SMC1A: variants seen among roughly 807,000 people sequenced by gnomAD.
SMC1A encodes the protein structural maintenance of chromosomes 1A.
In SMC1A, 4 loss-of-function variants were observed where a neutral mutation model predicts 94.5. The observed-to-expected ratio is 0.04, with a 90% confidence interval of 0.02 to 0.10. SMC1A has a LOEUF of 0.10. Among genes scored for constraint, SMC1A ranks in the 10% least tolerant of loss-of-function variants. The pLI, the probability that SMC1A is intolerant of heterozygous loss-of-function variation, is 1.00. For synonymous variants in SMC1A, 345 were observed against 347.7 expected, an observed-to-expected ratio of 0.99 and a Z score of 0.09; for missense variants, 304 against 989.0, an observed-to-expected ratio of 0.31 and a Z score of 9.29.
In SMC1A at chrX:53,392,300, G is replaced by A. The variant is rs182756931; in HGVS notation, c.2973+2478C>T. 5.2e-3 allele frequency among the ~76,000 whole-genome samples: 568 copies of A among 108,626 alleles called. 2 individuals carry two copies. Among genetic ancestry groups the A allele is most frequent in the Middle Eastern group, 9.3e-3 (2 of 214 alleles). The allele number at this position is 108,626 out of a possible 115,157, so 94.3% of individuals were successfully genotyped here. On this transcript the variant is annotated intron_variant, in intron 19 of 24. Transcript: ENST00000322213. Reference sequence around the variant, plus strand: ...CCAGCTACGTGGGAGGCTGAGGAAGGAGAATCGAGTGAACCTGGGAGGCAG... The same window carrying A: ...CCAGCTACGTGGGAGGCTGAGGAAGAAGAATCGAGTGAACCTGGGAGGCAG...
intron 1 of SMC1A, among the ~76,000 whole-genome samples, chrX:53,417,427 T>C (rs1387624448): frequency 9.2e-6 from 1 of 108,479 alleles, no homozygotes; most frequent in Non-Finnish European, 1.9e-5. Context: ...GGCACATGCC[T>C]GTAATCCCAG....
intron 15 of SMC1A, among the ~76,000 whole-genome samples, chrX:53,401,749 T>C (rs1320865438): frequency 9.0e-6 from 1 of 110,644 alleles, no homozygotes; most frequent in Non-Finnish European, 1.9e-5. Flanking sequence ...TATACACATA[T>C]ATTTTTTTCA....
chrX:53,392,367 G>C (rs1224015833), intron 19 of SMC1A, among the ~76,000 whole-genome samples: 1 of 108,621 alleles, frequency 9.2e-6, no homozygotes, highest in Non-Finnish European at 1.9e-5. Flanking sequence ...ACTCCAGCCT[G>C]GGTGACAGAG....
In SMC1A at chrX:53,414,969, A is replaced by G. The variant is rs782781148; in HGVS notation, c.298+12T>C. On this transcript the variant is annotated intron_variant, in intron 2 of 24. Coordinates refer to ENST00000322213, the MANE Select transcript of SMC1A (RefSeq NM_006306.4). ...AGGACCCAAGGAGAGCTTTCTGGCC[A>G]GCCTCACCCACCTACAATGACACGG... 30 of 1,208,521 alleles carry G rather than the reference A, an allele frequency of 2.5e-5. No homozygotes were observed. The highest frequency in any genetic ancestry group is 3.2e-5 in the Non-Finnish European group (29 of 894,526).
Position 53,378,440 on chromosome X carries a change from A to G in SMC1A, c.*1663T>C, listed in dbSNP as rs1044837018. Reference sequence around the variant, plus strand: ...CAGATCTCAAAAACATCGTTAAGCAAAGAAAACAAATTGCTAAACAATTCA... The same window carrying G: ...CAGATCTCAAAAACATCGTTAAGCAGAGAAAACAAATTGCTAAACAATTCA... On this transcript the variant is annotated 3_prime_UTR_variant, in exon 25 of 25. Transcript: ENST00000322213. 11 of 112,748 alleles carry G rather than the reference A, an allele frequency of 9.8e-5. No individual in the cohort carries two copies. The highest frequency in any genetic ancestry group is 3.5e-4 in the African/African-American group (11 of 31,043). The allele number at this position is 112,748 out of a possible 1,213,427, so 9.3% of individuals were successfully genotyped here.
At chrX:53,403,455 T>C (rs1404925990) in intron 15 of SMC1A, 111 bp downstream of exon 15, 41 of 600,319 alleles carry the variant, frequency 6.8e-5, no homozygotes, top group South Asian at 5.0e-4. Context: ...CTACATAAAC[T>C]CACATAGTTC....
chrX:53,382,213 C>T lies in SMC1A; in HGVS notation c.3437+19G>A, dbSNP rs2075586018. 4 of 1,209,101 alleles carry T rather than the reference C, an allele frequency of 3.3e-6. No individual in the cohort carries two copies. In the African/African-American group the frequency reaches 7.0e-5, roughly 21 times the overall value. ...TCAGTTCAGTCTCTTCGTCAACTGC[C>T]CTAGGGGATCAGCCTTACCTGTGGA... On this transcript the variant is annotated intron_variant, in intron 22 of 24. Coordinates refer to ENST00000322213, the MANE Select transcript of SMC1A (RefSeq NM_006306.4).
At chrX:53,413,946 G>A (rs1157515867) in intron 3 of SMC1A, among the ~76,000 whole-genome samples, 8 of 109,111 alleles carry the variant, frequency 7.3e-5, no homozygotes, top group African/African-American at 2.7e-4. Context: ...GCATGGCGGC[G>A]GGCGCCTGTA....
chrX:53,399,231 C>T (rs1814597709), intron 16 of SMC1A, among the ~76,000 whole-genome samples: 1 of 111,368 alleles, frequency 9.0e-6, no homozygotes, highest in Non-Finnish European at 1.9e-5. Flanking sequence ...GAGCAAGACT[C>T]CATCTCAAAA....
rs143285838 is a variant in SMC1A at position 53,386,787 on chromosome X, T to A, written c.2974-3534A>T. 3.4e-3 allele frequency among the ~76,000 whole-genome samples: 375 copies of A among 110,353 alleles called. 4 individuals are homozygous for A. The highest frequency in any genetic ancestry group is 0.012 in the African/African-American group (358 of 30,370). On this transcript the variant is annotated intron_variant, in intron 19 of 24. Transcript: ENST00000322213. Reference sequence around the variant, plus strand: ...AAAAAAATCAAAATGCTAAAAAGAGTAATCCCTAAAAATGAAAAACAAACT... The same window carrying A: ...AAAAAAATCAAAATGCTAAAAAGAGAAATCCCTAAAAATGAAAAACAAACT...
chrX:53,411,644 C>A, intron 7 of SMC1A, 117 bp downstream of exon 7: 5 of 932,804 alleles, frequency 5.4e-6, no homozygotes, highest in Non-Finnish European at 7.7e-6. Flanking sequence ...AACTCTAATC[C>A]AAAATGCTTA....
Position 53,381,094 on chromosome X carries a change from G to A in SMC1A, c.3438-7C>T, listed in dbSNP as rs782796392. On this transcript the variant is annotated splice_region_variant and splice_polypyrimidine_tract_variant and intron_variant, in intron 22 of 24. Coordinates refer to ENST00000322213, the MANE Select transcript of SMC1A (RefSeq NM_006306.4). ...GAAGGGGGCTGGCTTGTAGCTGGGA[G>A]GGAACCAGTAGGTGAGCTGACACTG... 1.6e-4 allele frequency: 193 copies of A among 1,181,018 alleles called. 2 individuals carry two copies. Among genetic ancestry groups the A allele is most frequent in the Non-Finnish European group, 2.2e-5 (19 of 869,693 alleles).
At position 53,405,265 on chromosome X, in the gene SMC1A, G is replaced by A. The variant is rs1556889524; in HGVS notation, c.2038C>T (p.Arg680Cys). 8.3e-7 allele frequency: 1 copy of A among 1,211,873 alleles called. No individual in the cohort carries two copies. The highest frequency in any genetic ancestry group is 1.1e-6 in the Non-Finnish European group (1 of 895,567). ...CTTACTTTCAGCTCCTCTGTCAAGC[G>A]CTCCTTCTTCTCTTTCAACTTGTCT... ...AVDKLKEKKERLTEELKEQMK... is the reference protein window; with the variant it reads ...AVDKLKEKKECLTEELKEQMK... The change falls in exon 12 of 25, where the codon CGC becomes TGC. Residue 680 changes from arginine to cysteine, a missense_variant. Transcript: ENST00000322213.
At chrX:53,411,421 C>T (rs1171244004) in intron 7 of SMC1A, among the ~76,000 whole-genome samples, 3 of 110,356 alleles carry the variant, frequency 2.7e-5, no homozygotes, top group African/African-American at 9.9e-5. Flanking sequence ...GAAACCCTGT[C>T]TCTACTAAAA....
Position 53,379,234 on chromosome X carries a change from G to A in SMC1A, c.*869C>T, listed in dbSNP as rs2075572344. 9.0e-6 allele frequency: 1 copy of A among 111,654 alleles called. No homozygotes were observed. 9.2% of individuals were successfully genotyped at this position (111,654 alleles called of 1,213,427 possible). On this transcript the variant is annotated 3_prime_UTR_variant, in exon 25 of 25. Transcript: ENST00000322213. ...CAGAAGGTCAAATGACTTGCCCAAGGTCAAACAACTAGTAAGTGATAAAAA... is the reference window on the plus strand; with the variant it reads ...CAGAAGGTCAAATGACTTGCCCAAGATCAAACAACTAGTAAGTGATAAAAA...
chrX:53,378,163 T>C lies in SMC1A; in HGVS notation c.*1940A>G, dbSNP rs912433431. ...ACAGGAGGGCAATTTGGAAGTATTA[T>C]TAAAAACCAATATATAAATATCCTA... is the stretch of plus-strand genomic sequence containing the variant. On this transcript the variant is annotated 3_prime_UTR_variant, in exon 25 of 25. Transcript: ENST00000322213. The C allele has an allele frequency of 8.9e-6, 1 of 111,766 alleles. No homozygotes were observed. The highest frequency in any genetic ancestry group is 3.3e-5 in the African/African-American group (1 of 30,728). 9.2% of individuals were successfully genotyped at this position (111,766 alleles called of 1,213,427 possible). A position where few individuals can be genotyped will look rare whatever the true frequency, so the allele number is the denominator to read the frequency against.
intron 1 of SMC1A, among the ~76,000 whole-genome samples, chrX:53,415,427 C>G (rs782659301): frequency 9.0e-6 from 1 of 110,912 alleles, no homozygotes; most frequent in South Asian, 3.8e-4. Flanking sequence ...GTGACTCACA[C>G]CTGTAATCCC....
intron 1 of SMC1A, among the ~76,000 whole-genome samples, chrX:53,417,856 C>T (rs781935093): frequency 4.5e-5 from 5 of 111,724 alleles, no homozygotes; most frequent in South Asian, 7.4e-4. Context: ...CTAAGTAATG[C>T]ACATATATGC....
At position 53,411,694 on chromosome X, in the gene SMC1A, G is replaced by C. The variant is rs1556890540; in HGVS notation, c.1254+67C>G. ...TCAGATTTTGGATTATTTTGGATTT[G>C]GGATGCTCAACCTATATATATCCTT... On this transcript the variant is annotated intron_variant, in intron 7 of 24. Coordinates refer to ENST00000322213, the MANE Select transcript of SMC1A (RefSeq NM_006306.4). The C allele has an allele frequency of 3.5e-6, 4 of 1,149,190 alleles. No homozygotes were observed. In the Admixed American group the frequency reaches 6.6e-5, roughly 19 times the overall value. The allele number at this position is 1,149,190 out of a possible 1,213,427, so 94.7% of individuals were successfully genotyped here. A position where few individuals can be genotyped will look rare whatever the true frequency, so the allele number is the denominator to read the frequency against.
Sources: allele counts gnomAD v4.1 joint callset (sites outside exome capture counted in the v4.1 genomes callset), GRCh38; gene constraint gnomAD v4.1.1; transcripts MANE v1.5; gene names NCBI Gene and HGNC (gene_info 2026-07-23, HGNC 2026-07-21).